Variants in G3BP2 observed in about 807,000 individuals in gnomAD.
G3BP2 encodes the protein G3BP stress granule assembly factor 2, also known as ras GTPase-activating protein-binding protein 2.
G3BP2 carries 11 observed loss-of-function variants against 56.7 expected under a neutral mutation model. That is an observed-to-expected ratio of 0.19 (90% CI 0.12 to 0.32). G3BP2 has a LOEUF of 0.32. Ranked by LOEUF, G3BP2 falls within the 10% of genes least tolerant of loss-of-function variation. The probability of loss-of-function intolerance (pLI) is 1.00; values close to 1 mark genes in which losing one functional copy is unlikely to be tolerated. For synonymous variants in G3BP2, 165 were observed against 191.6 expected (o/e 0.86, Z 1.15); for missense variants, 340 against 610.9 (o/e 0.56, Z 4.67).
intron 11 of G3BP2, 90 bp from the exon 12 acceptor site, chr4:75,645,792 G>C (rs1731169945): frequency 8.4e-7 from 1 of 1,193,926 alleles, no homozygotes; most frequent in Non-Finnish European, 1.2e-6. Context: ...ATAAGCATAA[G>C]GAATAAAACA....
At chr4:75,687,388 ATT>A (rs1718657763) in intron 3 of G3BP2, among the ~76,000 whole-genome samples, 1 of 152,136 alleles carries the variant, frequency 6.6e-6, no homozygotes, top group African/African-American at 2.4e-5. Flanking sequence ...TTCCACCATG[ATT>A]GTGAGACCTC....
chr4:75,673,611 G>C, upstream of G3BP2: 1 of 1,231,330 alleles, frequency 8.1e-7, no homozygotes. Flanking sequence ...ACCGGAACCG[G>C]CCTAAAGCCA....
At chr4:75,710,137 A>AT (rs1444654322) in intron 3 of G3BP2, among the ~76,000 whole-genome samples, 1 of 152,000 alleles carries the variant, frequency 6.6e-6, no homozygotes, top group East Asian at 1.9e-4. Context: ...GGACTGCTTT[A>AT]TTTTTTCTAG....
rs1166357883 is a variant in G3BP2, at chr4:75,643,315, A to ATATATATATATATATATATATATATG, written c.*2114_*2115insCATATATATATATATATATATATATA. On this transcript the variant is annotated 3_prime_UTR_variant, in exon 12 of 12. Coordinates refer to ENST00000359707, the MANE Select transcript of G3BP2 (RefSeq NM_203505.3). ...GGAAATTATATATATATATATATAT[A>ATATATATATATATATATATATATATG]TGGAAACAGAAATACAAGAAAATAT... 9.3e-4 allele frequency: 126 copies of ATATATATATATATATATATATATATG among 135,630 alleles called. 2 individuals are homozygous for ATATATATATATATATATATATATATG. Among genetic ancestry groups the ATATATATATATATATATATATATATG allele is most frequent in the Non-Finnish European group, 1.7e-3 (105 of 61,872 alleles). The allele number at this position is 135,630 out of a possible 1,614,324, so 8.4% of individuals were successfully genotyped here. A position where few individuals can be genotyped will look rare whatever the true frequency, so the allele number is the denominator to read the frequency against.
intron 8 of G3BP2, among the ~76,000 whole-genome samples, chr4:75,652,664 T>C (rs1313210437): frequency 6.6e-6 from 1 of 152,106 alleles, no homozygotes. Context: ...GAGCCACATA[T>C]GGACTCATGT....
chr4:75,667,140 T>A (rs761700211), intron 1 of G3BP2, among the ~76,000 whole-genome samples: 7 of 151,866 alleles, frequency 4.6e-5, no homozygotes, highest in Non-Finnish European at 7.4e-5. Flanking sequence ...ATACAAAAAA[T>A]TAGCGGGGCG....
At chr4:75,654,310 G>C (rs959171920) in intron 7 of G3BP2, among the ~76,000 whole-genome samples, 2 of 152,158 alleles carry the variant, frequency 1.3e-5, no homozygotes, top group Non-Finnish European at 1.5e-5. Flanking sequence ...AAAACCATAA[G>C]CAAGTTCCTA....
At chr4:75,654,806 A>C (rs1731961377) in intron 7 of G3BP2, 1 of 400,834 alleles carries the variant, frequency 2.5e-6, no homozygotes, top group African/African-American at 2.1e-5. Flanking sequence ...ACATGGATCC[A>C]AATAATTTCA....
At chr4:75,674,714 ATATATTTTTTTTT>A (rs1212263134), upstream of G3BP2, among the ~76,000 whole-genome samples, 5 of 54,820 alleles carry the variant, frequency 9.1e-5, no homozygotes, top group East Asian at 9.2e-4. Context: ...ATATATATAT[ATATATTTTTTTTT>A]TTTTTTTTTT....
At chr4:75,715,050 G>A (rs1719883845) in intron 3 of G3BP2, among the ~76,000 whole-genome samples, 1 of 152,172 alleles carries the variant, frequency 6.6e-6, no homozygotes, top group Admixed American at 6.6e-5. Context: ...TCCAAAAGTG[G>A]CAACATCTGT....
At chr4:75,656,404 A>C (rs1732120546) in intron 5 of G3BP2, among the ~76,000 whole-genome samples, 2 of 152,150 alleles carry the variant, frequency 1.3e-5, no homozygotes, top group South Asian at 4.1e-4. Flanking sequence ...TTAGAAAAAA[A>C]CAAATCTTTC....
chr4:75,664,302 T>C (rs984294963), intron 1 of G3BP2, among the ~76,000 whole-genome samples: 3 of 150,534 alleles, frequency 2.0e-5, no homozygotes, highest in African/African-American at 4.9e-5. Flanking sequence ...CTTAGCCAGG[T>C]GCGGTGGCTG....
intron 3 of G3BP2, among the ~76,000 whole-genome samples, chr4:75,698,721 T>C (rs1719220266): frequency 6.6e-6 from 1 of 152,156 alleles, no homozygotes; most frequent in Admixed American, 6.6e-5. Context: ...TTTGTTCATC[T>C]GATACAGGGT....
At chr4:75,661,907 C>T (rs1553935573) in intron 2 of G3BP2, 24 bp downstream of exon 2, 13 of 1,227,762 alleles carry the variant, frequency 1.1e-5, no homozygotes, top group South Asian at 9.8e-5. Flanking sequence ...GATAAAAATA[C>T]CAAATTATTT....
intron 3 of G3BP2, among the ~76,000 whole-genome samples, chr4:75,696,334 C>T (rs1054826544): frequency 3.9e-5 from 6 of 152,266 alleles, no homozygotes; most frequent in Non-Finnish European, 7.4e-5. Flanking sequence ...TCCGGCTCTG[C>T]TGCCCGTTTT....
intron 3 of G3BP2, among the ~76,000 whole-genome samples, chr4:75,709,185 G>C (rs1719660221): frequency 1.3e-5 from 2 of 152,060 alleles, no homozygotes; most frequent in Non-Finnish European, 1.5e-5. Context: ...ACTTTGGGAG[G>C]CTGAGGCAGG....
chr4:75,657,993 C>T (rs1166010324), intron 3 of G3BP2, among the ~76,000 whole-genome samples: 1 of 152,172 alleles, frequency 6.6e-6, no homozygotes. Context: ...GTCATTCTCA[C>T]AAATTGTGTT....
intron 3 of G3BP2, among the ~76,000 whole-genome samples, chr4:75,685,963 AAAGG>A (rs890678531): frequency 3.3e-5 from 5 of 152,206 alleles, no homozygotes; most frequent in Non-Finnish European, 5.9e-5. Flanking sequence ...GAGAAGGAAG[AAAGG>A]AAGGGAAGTG....
chr4:75,688,808 G>A (rs1009824818), intron 3 of G3BP2, among the ~76,000 whole-genome samples: 1 of 152,212 alleles, frequency 6.6e-6, no homozygotes, highest in Non-Finnish European at 1.5e-5. Flanking sequence ...TAAGTGTGCA[G>A]AGAGAAGAAA....
Sources: gnomAD v4.1 joint callset for allele counts (sites outside exome capture counted in the v4.1 genomes callset) on GRCh38, gnomAD v4.1.1 for gene constraint, MANE v1.5 for transcripts, NCBI Gene and HGNC (gene_info 2026-07-23, HGNC 2026-07-21) for gene names.